The following CAMTA2 variants were observed in gnomAD, a reference collection of about 807,000 sequenced individuals.
CAMTA2 encodes calmodulin binding transcription activator 2, also known as calmodulin-binding transcription activator 2.
CAMTA2 carries 56 observed loss-of-function variants against 135.7 expected under a neutral mutation model. The ratio of observed to expected loss-of-function variants is 0.41; its 90% CI spans 0.33 to 0.52. The LOEUF is 0.52. CAMTA2 is among the 20% of genes least tolerant of loss of function. The pLI, the probability that CAMTA2 is intolerant of heterozygous loss-of-function variation, is 0.16. For synonymous variants in CAMTA2, 591 were observed against 604.6 expected (o/e 0.98, Z 0.33); for missense variants, 1,358 against 1,553.4 (o/e 0.87, Z 2.11).
chr17:4,972,761 A>G lies in CAMTA2; in HGVS notation c.2503+8T>C, dbSNP rs991678340. 8 of 1,611,736 alleles carry G rather than the reference A, an allele frequency of 5.0e-6. No individual in the cohort carries two copies. The highest frequency in any genetic ancestry group is 6.8e-6 in the Non-Finnish European group (8 of 1,178,368). On this transcript the variant is annotated splice_region_variant and intron_variant, in intron 15 of 22. Transcript: ENST00000348066. ...TCCCTCTCTCCAAAAGATTAGGGCCACCCTCACCAGTGTCTGGGCTGGAGG... is the reference window on the plus strand; with the variant it reads ...TCCCTCTCTCCAAAAGATTAGGGCCGCCCTCACCAGTGTCTGGGCTGGAGG...
chr17:4,970,499 G>C lies in CAMTA2; in HGVS notation c.2846C>G (p.Ala949Gly). ...MISLAKQIIEATPERIKREDF... is the reference protein window; with the variant it reads ...MISLAKQIIEGTPERIKREDF... ...CTCTCGTTTAATCCGCTCCGGTGTG[G>C]CTTCGATGATCTGCTTGGCTAGTGA... The change falls in exon 17 of 23, where the codon GCC becomes GGC. Residue 949 changes from alanine (A) to glycine (G), a missense_variant. Ala to Gly is a moderately conservative substitution (Grantham distance 60). This residue lies in a region of CAMTA2 where 1,077 missense variants were observed against 1,127.5 expected (regional missense o/e 0.96). Transcript: ENST00000348066. The C allele has an allele frequency of 6.2e-7, 1 of 1,613,374 alleles. No homozygotes were observed. The highest frequency in any genetic ancestry group is 1.1e-5 in the South Asian group (1 of 91,088).
chr17:4,987,098 A>G, intron 1 of CAMTA2: 1 of 1,377,262 alleles, frequency 7.3e-7, no homozygotes, highest in Non-Finnish European at 9.3e-7. Context: ...ATGTGCAGTG[A>G]AGCTGGGGTT....
chr17:4,974,330 G>C, intron 12 of CAMTA2, 55 bp downstream of exon 12: 10 of 1,123,040 alleles, frequency 8.9e-6, no homozygotes, highest in Non-Finnish European at 1.2e-5. Context: ...GTTTTCTTTA[G>C]CTGTGTCCTC....
chr17:4,982,036 T>A, intron 6 of CAMTA2, 53 bp downstream of exon 6: 1 of 1,411,114 alleles, frequency 7.1e-7, no homozygotes, highest in Admixed American at 1.7e-5. Flanking sequence ...TTCAGACCCG[T>A]GTCCCTCAAA....
chr17:4,976,968 G>A (rs1406333167), intron 11 of CAMTA2, 90 bp downstream of exon 11: 8 of 1,292,320 alleles, frequency 6.2e-6, no homozygotes, highest in Non-Finnish European at 8.4e-6. Context: ...GGGGCTCAGT[G>A]ATGGCCACCT....
intron 12 of CAMTA2, chr17:4,974,025 C>T (rs1972464984): frequency 5.5e-6 from 3 of 549,358 alleles, no homozygotes; most frequent in Non-Finnish European, 9.7e-6. Flanking sequence ...CATGTTCACA[C>T]ATGGCTTCTC....
At chr17:4,984,964 C>G (rs1216385430) in intron 3 of CAMTA2, among the ~76,000 whole-genome samples, 2 of 151,566 alleles carry the variant, frequency 1.3e-5, no homozygotes, top group East Asian at 3.9e-4. Flanking sequence ...TTGCAGTGAG[C>G]CGAGATCGCG....
intron 3 of CAMTA2, among the ~76,000 whole-genome samples, chr17:4,985,623 C>A (rs112457198): frequency 2.0e-5 from 3 of 152,206 alleles, no homozygotes; most frequent in Admixed American, 2.0e-4. Context: ...GGGGTTCCAC[C>A]ATGTTTGCCA....
chr17:4,985,472 G>A (rs1308504149), intron 3 of CAMTA2, among the ~76,000 whole-genome samples: 1 of 152,174 alleles, frequency 6.6e-6, no homozygotes, highest in East Asian at 1.9e-4. Flanking sequence ...CACCCAGGCT[G>A]GAGTGCAGTG....
At chr17:4,978,913 T>C (rs1972791562) in intron 9 of CAMTA2, among the ~76,000 whole-genome samples, 1 of 152,186 alleles carries the variant, frequency 6.6e-6, no homozygotes, top group Non-Finnish European at 1.5e-5. Flanking sequence ...GGAAGTTCTG[T>C]TCTTGGGCTA....
At position 4,986,237 on chromosome 17, in the gene CAMTA2, G is replaced by A. The variant is rs749486070; in HGVS notation, c.-15C>T. The A allele has an allele frequency of 8.7e-6, 14 of 1,608,606 alleles. No individual in the cohort carries two copies. Among genetic ancestry groups the A allele is most frequent in the Non-Finnish European group, 1.0e-5 (12 of 1,175,234 alleles). ...TTGGTATTCATGGTGAGGGCTCCAG[G>A]GGGCAAGGTCACCCCCGGCCTGAGG... On this transcript the variant is annotated 5_prime_UTR_variant, in exon 2 of 23. Coordinates refer to ENST00000348066, the MANE Select transcript of CAMTA2 (RefSeq NM_015099.4).
chr17:4,979,542 G>A (rs566522006), intron 9 of CAMTA2, 142 bp downstream of exon 9: 4 of 513,310 alleles, frequency 7.8e-6, no homozygotes, highest in South Asian at 6.3e-5. Context: ...GAGAGATTAG[G>A]TAGAGGACTA....
In CAMTA2 at chr17:4,973,777, A is replaced by AT; in HGVS notation, c.2017-9dup. 6.3e-7 allele frequency: 1 copy of AT among 1,597,886 alleles called. No homozygotes were observed. Among genetic ancestry groups the AT allele is most frequent in the Non-Finnish European group, 8.5e-7 (1 of 1,169,866 alleles). On this transcript the variant is annotated splice_polypyrimidine_tract_variant and intron_variant, in intron 12 of 22. Transcript: ENST00000348066. ...AGGCCCCTGGCCTTCATCCTGCGAT[A>AT]TACACACTCTTAGGCAGAGACCCAG...
Position 4,979,703 on chromosome 17 carries a change from G to T in CAMTA2, c.1619C>A (p.Pro540Gln). Reference sequence around the variant, plus strand: ...TCTCACCTCTGGGTAGGACCACTCTGGGGAGAAGTCTGTGATGGTGCTAAG... The same window carrying T: ...TCTCACCTCTGGGTAGGACCACTCTTGGGAGAAGTCTGTGATGGTGCTAAG... ...PALSTITDFS[P>Q]EWSYPEGGVK... is the part of the protein sequence containing the mutation. The change falls in exon 9 of 23, where the codon CCA becomes CAA. Residue 540 changes from proline (P) to glutamine (Q), a missense_variant. Physicochemically the swap from Pro to Gln is moderately conservative, Grantham distance 76. This residue lies in a region of CAMTA2 where 1,077 missense variants were observed against 1,127.5 expected (regional missense o/e 0.96). Coordinates refer to ENST00000348066, the MANE Select transcript of CAMTA2 (RefSeq NM_015099.4). 2 of 1,613,432 alleles carry T rather than the reference G, an allele frequency of 1.2e-6. No individual in the cohort carries two copies. Among genetic ancestry groups the T allele is most frequent in the Non-Finnish European group, 1.7e-6 (2 of 1,179,574 alleles).
chr17:4,984,387 G>T (rs1225213231), intron 3 of CAMTA2, among the ~76,000 whole-genome samples: 1 of 152,164 alleles, frequency 6.6e-6, no homozygotes, highest in Non-Finnish European at 1.5e-5. Flanking sequence ...AACATGCTTT[G>T]AATAGTTACC....
At chr17:4,984,248 C>T (rs1316188687) in intron 3 of CAMTA2, among the ~76,000 whole-genome samples, 1 of 152,252 alleles carries the variant, frequency 6.6e-6, no homozygotes, top group Non-Finnish European at 1.5e-5. Context: ...CTGTGCCTGG[C>T]AGGAGTTTCA....
At chr17:4,986,499 G>A in intron 1 of CAMTA2, 3 of 550,144 alleles carry the variant, frequency 5.5e-6, no homozygotes, top group Non-Finnish European at 3.2e-6. Flanking sequence ...GGAAGAGTGA[G>A]CAGGAAGAAA....
At position 4,987,607 on chromosome 17, in the gene CAMTA2, C is replaced by T. The variant is rs570437396; in HGVS notation, c.-79G>A. On this transcript the variant is annotated 5_prime_UTR_variant, in exon 1 of 23. Transcript: ENST00000348066. ...CTGGCTCTTACCTCCCGGGGTCCCG[C>T]GGGTGACGGCGGCAGCGGCCATTCT... is the stretch of plus-strand genomic sequence containing the variant. 3.3e-5 allele frequency: 50 copies of T among 1,527,478 alleles called. No individual in the cohort carries two copies. The East Asian group carries it at 1.1e-3, about 34-fold the overall frequency. 94.6% of individuals were successfully genotyped at this position (1,527,478 alleles called of 1,614,324 possible).
rs61743812 is a variant in CAMTA2, at chr17:4,969,239, C to T, written c.3381G>A (p.Ala1127=). 31,481 of 1,613,718 alleles carry T rather than the reference C, an allele frequency of 0.02. 407 individuals are homozygous for T. Among genetic ancestry groups the T allele is most frequent in the Non-Finnish European group, 0.024 (28,437 of 1,180,022 alleles). Residue 1127 remains alanine (A), a synonymous_variant, in exon 21 of 23, where the codon GCG becomes GCA. Transcript: ENST00000348066. The surrounding 1 kb of genome is among the most constrained non-coding windows in gnomAD (Gnocchi z 5.6). ...EQKRFQQSRR[A]AVLIQQHYRS... is the part of the protein sequence containing the mutation. ...GGTAGTGCTGCTGGATGAGCACAGCCGCTCGGCGGCTCTGCTGAAATCGCT... is the reference window on the plus strand; with the variant it reads ...GGTAGTGCTGCTGGATGAGCACAGCTGCTCGGCGGCTCTGCTGAAATCGCT...
Sources: gnomAD v4.1 joint callset for allele counts (sites outside exome capture counted in the v4.1 genomes callset) on GRCh38, gnomAD v4.1.1 for gene constraint, gnomAD v4.1.1 regional missense constraint, Gnocchi (gnomAD v3.1) non-coding constraint, MANE v1.5 for transcripts, NCBI Gene and HGNC (gene_info 2026-07-23, HGNC 2026-07-21) for gene names.